The following NCAM1 variants were observed in gnomAD, a reference collection of about 807,000 sequenced individuals.
The protein encoded by NCAM1 is neural cell adhesion molecule 1.
In NCAM1, 14 loss-of-function variants were observed where a neutral mutation model predicts 109.8. The observed-to-expected ratio is 0.13, with a 90% CI of 0.08 to 0.20. The LOEUF (loss-of-function observed/expected upper bound fraction) is 0.20. Among genes scored for constraint, NCAM1 ranks in the 10% least tolerant of loss-of-function variants. The pLI is 1.00. For synonymous variants in NCAM1, 418 were observed against 442.9 expected, an observed-to-expected ratio of 0.94 and a Z score of 0.70; for missense variants, 774 against 1,109.9, an observed-to-expected ratio of 0.70 and a Z score of 4.30.
At chr11:113,018,195 C>T (rs1484032984) in intron 1 of NCAM1, among the ~76,000 whole-genome samples, 5 of 151,732 alleles carry the variant, frequency 3.3e-5, no homozygotes, top group African/African-American at 1.2e-4. Flanking sequence ...AAAAAAAACA[C>T]ACACATTACA....
At chr11:113,119,654 T>G (rs1187457710) in intron 1 of NCAM1, among the ~76,000 whole-genome samples, 1 of 152,196 alleles carries the variant, frequency 6.6e-6, no homozygotes, top group African/African-American at 2.4e-5. Context: ...AATTATTCTC[T>G]AGGGAGTTGT....
rs535125351 is a variant in NCAM1, at chr11:113,194,557, A to G, written c.53-7822A>G. Among the ~76,000 whole-genome samples the G allele has an allele frequency of 1.8e-3, 272 of 152,336 alleles. 1 individual carries two copies. The highest frequency in any genetic ancestry group is 6.1e-3 in the African/African-American group (253 of 41,576). On this transcript the variant is annotated intron_variant, in intron 1 of 19. Transcript: ENST00000316851. ...GGTCTCCTTCAAGTGCATTTGGTTT[A>G]GAGATGTCTATATGTTATCTGAAAG...
chr11:113,109,162 A>G (rs2135938041), intron 1 of NCAM1, among the ~76,000 whole-genome samples: 1 of 151,772 alleles, frequency 6.6e-6, no homozygotes, highest in South Asian at 2.1e-4. Context: ...AGCCTGGCCA[A>G]CATAGTGAAA....
chr11:113,167,126 C>T (rs1942829132), intron 1 of NCAM1, among the ~76,000 whole-genome samples: 1 of 152,200 alleles, frequency 6.6e-6, no homozygotes, highest in Admixed American at 6.5e-5. Context: ...TGGGTCCTTC[C>T]ATAATCAGAG....
Position 113,252,466 on chromosome 11 carries a change from C to CT in NCAM1, c.1829-3407dup, listed in dbSNP as rs1945711389. On this transcript the variant is annotated intron_variant, in intron 15 of 19. Transcript: ENST00000316851. ...TGTATCCGTCCAAGAACCTCATCAT[C>CT]TTTTAAAAGAATTAATCATAACTTA... 2.0e-5 allele frequency among the ~76,000 whole-genome samples: 3 copies of CT among 150,150 alleles called. No homozygotes were observed. In the South Asian group the frequency reaches 6.3e-4, roughly 32 times the overall value.
chr11:113,205,729 A>C (rs1944216790), intron 4 of NCAM1, 63 bp downstream of exon 4: 2 of 1,571,624 alleles, frequency 1.3e-6, no homozygotes, highest in Non-Finnish European at 1.7e-6. Context: ...TAGCTTTTTC[A>C]CCTGTACTGA....
At chr11:113,202,707 T>C (rs1369031579) in intron 2 of NCAM1, among the ~76,000 whole-genome samples, 1 of 152,226 alleles carries the variant, frequency 6.6e-6, no homozygotes, top group Non-Finnish European at 1.5e-5. Context: ...GGAGTTTTCT[T>C]AGAAAAATCA....
At chr11:113,189,981 G>A (rs998841749) in intron 1 of NCAM1, among the ~76,000 whole-genome samples, 1 of 152,102 alleles carries the variant, frequency 6.6e-6, no homozygotes, top group Admixed American at 6.5e-5. Context: ...TTCTGGGCAG[G>A]AAGACAGGAG....
chr11:113,232,892 G>A lies in NCAM1; in HGVS notation c.1522+78G>A, dbSNP rs534723373. Reference sequence around the variant, plus strand: ...CTGCCAGCCCAATTTGTGTACTTGAGTGATTCCAGGATATTGGGAAGAAGA... The same window carrying A: ...CTGCCAGCCCAATTTGTGTACTTGAATGATTCCAGGATATTGGGAAGAAGA... On this transcript the variant is annotated intron_variant, in intron 12 of 19. Transcript: ENST00000316851. 238 of 1,298,992 alleles carry A rather than the reference G, an allele frequency of 1.8e-4. No individual in the cohort carries two copies. In the Middle Eastern group the frequency reaches 1.9e-3, roughly 10 times the overall value. The allele number at this position is 1,298,992 out of a possible 1,614,324, so 80.5% of individuals were successfully genotyped here. A position where few individuals can be genotyped will look rare whatever the true frequency, so the allele number is the denominator to read the frequency against.
chr11:113,115,064 G>A (rs1555094574), intron 1 of NCAM1, among the ~76,000 whole-genome samples: 1 of 152,132 alleles, frequency 6.6e-6, no homozygotes, highest in Non-Finnish European at 1.5e-5. Flanking sequence ...AATAGTACCT[G>A]GGGAGGCCCC....
chr11:113,136,037 A>G (rs782492894), intron 1 of NCAM1, among the ~76,000 whole-genome samples: 8 of 152,138 alleles, frequency 5.3e-5, no homozygotes, highest in Non-Finnish European at 1.0e-4. Context: ...AAAAAGTAAT[A>G]CTGGGCGTGG....
intron 1 of NCAM1, among the ~76,000 whole-genome samples, chr11:112,981,487 T>TAAC (rs1951153547): frequency 6.6e-6 from 1 of 151,918 alleles, no homozygotes; most frequent in African/African-American, 2.4e-5. Flanking sequence ...TGTGTTGGGC[T>TAAC]AACACCACAT....
At chr11:113,135,463 AGAGCAAGATAAAGATGC>A (rs1434601940) in intron 1 of NCAM1, among the ~76,000 whole-genome samples, 1 of 152,106 alleles carries the variant, frequency 6.6e-6, no homozygotes, top group Non-Finnish European at 1.5e-5. Flanking sequence ...GTGAGGCTCC[AGAGCAAGATAAAGATGC>A]GCCCACTGTT....
At chr11:112,966,366 G>A (rs1475091635) in intron 1 of NCAM1, among the ~76,000 whole-genome samples, 2 of 152,198 alleles carry the variant, frequency 1.3e-5, no homozygotes, top group Non-Finnish European at 2.9e-5. Flanking sequence ...GTGACTCTGA[G>A]CAATGCTGTA....
In NCAM1 at chr11:113,220,758, C is replaced by T. The variant is rs531124699; in HGVS notation, c.1060-538C>T. 4.3e-4 allele frequency among the ~76,000 whole-genome samples: 65 copies of T among 151,976 alleles called. No individual in the cohort carries two copies. The South Asian group carries it at 5.4e-3, about 13-fold the overall frequency. ...AATAGCTGGGACTACAGGCGCCTGC[C>T]ACCACGCCCAGCTAATTTTGTGTAT... On this transcript the variant is annotated intron_variant, in intron 8 of 19. Transcript: ENST00000316851.
At chr11:113,114,825 A>C (rs1412327878) in intron 1 of NCAM1, among the ~76,000 whole-genome samples, 1 of 152,266 alleles carries the variant, frequency 6.6e-6, no homozygotes, top group Non-Finnish European at 1.5e-5. Context: ...TTCCTATCTC[A>C]TGGAGCTTGT....
chr11:113,081,276 G>A (rs1373275846), intron 1 of NCAM1, among the ~76,000 whole-genome samples: 2 of 152,152 alleles, frequency 1.3e-5, no homozygotes, highest in South Asian at 2.1e-4. Flanking sequence ...GGTCCCGTGA[G>A]GTAAAGGAGT....
chr11:113,042,343 C>T (rs560124533), intron 1 of NCAM1, among the ~76,000 whole-genome samples: 3 of 152,212 alleles, frequency 2.0e-5, no homozygotes, highest in Admixed American at 2.0e-4. Context: ...AATTCAGTGG[C>T]GCCTTCTCAA....
chr11:113,001,491 G>A (rs1951754333), intron 1 of NCAM1, among the ~76,000 whole-genome samples: 1 of 152,122 alleles, frequency 6.6e-6, no homozygotes, highest in Non-Finnish European at 1.5e-5. Context: ...TGTGAAGTAG[G>A]TACAACAGTG....
Sources: allele counts gnomAD v4.1 joint callset (sites outside exome capture counted in the v4.1 genomes callset), GRCh38; gene constraint gnomAD v4.1.1; transcripts MANE v1.5; gene names NCBI Gene and HGNC (gene_info 2026-07-23, HGNC 2026-07-21).